The following PPFIBP2 variants were observed in gnomAD, a reference collection of about 807,000 sequenced individuals.
PPFIBP2 encodes the protein liprin-beta-2.
PPFIBP2 carries 118 observed loss-of-function variants against 118.3 expected under a neutral mutation model. The ratio of observed to expected loss-of-function variants is 1.00; its 90% confidence interval spans 0.86 to 1.16. The LOEUF (loss-of-function observed/expected upper bound fraction) is 1.16, where lower values mean the gene tolerates loss of function less well. Ranked by LOEUF, PPFIBP2 falls within the 50% of genes most tolerant of loss-of-function variation. The pLI, the probability that PPFIBP2 is intolerant of heterozygous loss-of-function variation, is 0.00. For missense variants in PPFIBP2, 1,195 were observed against 1,073.1 expected (o/e 1.11, Z -1.59); for synonymous variants, 414 against 397.4 (o/e 1.04, Z -0.50).
intron 1 of PPFIBP2, among the ~76,000 whole-genome samples, chr11:7,526,638 G>A (rs988225820): frequency 2.0e-5 from 3 of 152,252 alleles, no homozygotes; most frequent in Admixed American, 6.5e-5. Context: ...TTGGGAGGCC[G>A]AGGGTGGGCA....
chr11:7,558,996 C>A (rs542812759), intron 2 of PPFIBP2, among the ~76,000 whole-genome samples: 5 of 152,200 alleles, frequency 3.3e-5, no homozygotes, highest in Non-Finnish European at 5.9e-5. Flanking sequence ...TTTTATTACC[C>A]CAGGTCACAC....
In PPFIBP2 at chr11:7,649,542, T is replaced by G. The variant is rs763904898; in HGVS notation, c.2009T>G (p.Leu670Arg). Residue 670 changes from leucine (L) to arginine (R), a missense_variant, in exon 21 of 24, where the codon CTC becomes CGC. Leu to Arg is a moderately radical substitution (Grantham distance 102). Coordinates refer to ENST00000299492, the MANE Select transcript of PPFIBP2 (RefSeq NM_003621.5). ...MLQYLTVNDL[L>R]FLKVTSQLHH... ...ACTTTCCTCTTTCAGAACGATTTAC[T>G]CTTCTTAAAAGTCACCAGCCAACTA... The G allele has an allele frequency of 1.9e-6, 3 of 1,614,162 alleles. No homozygotes were observed. The highest frequency in any genetic ancestry group is 2.2e-5 in the East Asian group (1 of 44,880).
chr11:7,651,308 A>T (rs576796343), intron 22 of PPFIBP2: 4 of 339,342 alleles, frequency 1.2e-5, no homozygotes, highest in Non-Finnish European at 2.2e-5. Flanking sequence ...CTGCAATAGG[A>T]TCCCTATCAC....
intron 14 of PPFIBP2, among the ~76,000 whole-genome samples, chr11:7,638,514 T>A (rs1478382440): frequency 6.6e-6 from 1 of 152,228 alleles, no homozygotes; most frequent in Non-Finnish European, 1.5e-5. Flanking sequence ...AGGACATATG[T>A]TTATAAGCAA....
chr11:7,628,807 A>C (rs1267872076), intron 9 of PPFIBP2, among the ~76,000 whole-genome samples: 1 of 152,216 alleles, frequency 6.6e-6, no homozygotes, highest in Non-Finnish European at 1.5e-5. Flanking sequence ...CACCTCTATA[A>C]ATAAAGAGTG....
At chr11:7,644,044 C>T (rs1342571951) in intron 17 of PPFIBP2, among the ~76,000 whole-genome samples, 2 of 152,024 alleles carry the variant, frequency 1.3e-5, no homozygotes, top group African/African-American at 2.4e-5. Context: ...TCCAAATTTC[C>T]TTTTTATTGG....
At chr11:7,617,301 A>G (rs1848772632) in intron 6 of PPFIBP2, 1 of 985,344 alleles carries the variant, frequency 1.0e-6, no homozygotes, top group Non-Finnish European at 1.2e-6. Context: ...ACCTGTAGGA[A>G]CCACACTTAA....
At chr11:7,648,688 C>G in intron 18 of PPFIBP2, 112 bp from the exon 19 acceptor site, 1 of 1,419,514 alleles carries the variant, frequency 7.0e-7, no homozygotes, top group South Asian at 1.2e-5. Context: ...TCCCAGGGCA[C>G]GGTGTGGAGA....
chr11:7,666,554 G>A, the PPFIBP2 span: 1 of 1,610,036 alleles, frequency 6.2e-7, no homozygotes, highest in Non-Finnish European at 8.5e-7. Context: ...CCTCTGTCTA[G>A]AAAAGAAGCA....
At chr11:7,664,250 G>A in the PPFIBP2 span, among the ~76,000 whole-genome samples, 1 of 152,190 alleles carries the variant, frequency 6.6e-6, no homozygotes, top group African/African-American at 2.4e-5. Flanking sequence ...CTTGAATTTG[G>A]AAACATGAAT....
At chr11:7,665,023 G>A in the PPFIBP2 span, 34,362 of 179,054 alleles carry the variant, frequency 0.19, 3,453 homozygotes, top group Middle Eastern at 0.24. Context: ...CCATGGGCAT[G>A]CAGAAGCCAA....
chr11:7,559,817 C>T (rs1854094547), intron 2 of PPFIBP2, among the ~76,000 whole-genome samples: 3 of 152,146 alleles, frequency 2.0e-5, no homozygotes, highest in Admixed American at 2.0e-4. Flanking sequence ...GGGTATTTTG[C>T]CCCTGGGCTA....
chr11:7,573,370 A>G (rs1018972183), intron 3 of PPFIBP2, among the ~76,000 whole-genome samples: 1 of 152,266 alleles, frequency 6.6e-6, no homozygotes, highest in African/African-American at 2.4e-5. Flanking sequence ...ACATTTTTCA[A>G]GACTGAAGAA....
intron 16 of PPFIBP2, chr11:7,641,856 C>A (rs1407742852): frequency 5.5e-6 from 3 of 544,682 alleles, no homozygotes; most frequent in Non-Finnish European, 9.8e-6. Context: ...AGCACCCACC[C>A]ATTCCACACA....
chr11:7,619,231 TACA>T (rs763501995), intron 6 of PPFIBP2, among the ~76,000 whole-genome samples: 1 of 151,942 alleles, frequency 6.6e-6, no homozygotes, highest in Admixed American at 6.5e-5. Context: ...GTACACAGAG[TACA>T]ACAAGAGAAT....
intron 1 of PPFIBP2, among the ~76,000 whole-genome samples, chr11:7,522,632 G>T (rs1462693840): frequency 2.0e-5 from 3 of 152,186 alleles, no homozygotes; most frequent in African/African-American, 7.2e-5. Context: ...AATGAGACCA[G>T]GTTTGGGGTG....
chr11:7,657,056 G>C (rs1854751396), downstream of PPFIBP2: 1 of 307,518 alleles, frequency 3.3e-6, no homozygotes, highest in African/African-American at 2.2e-5. Context: ...GTGGACTGCA[G>C]ACCACTTTGT....
chr11:7,643,377 A>G (rs1852497013), intron 17 of PPFIBP2, among the ~76,000 whole-genome samples: 1 of 152,192 alleles, frequency 6.6e-6, no homozygotes, highest in East Asian at 1.9e-4. Flanking sequence ...ACCCCTCAGC[A>G]TTGTCCCTAG....
chr11:7,665,908 C>T, the PPFIBP2 span: 9 of 1,535,978 alleles, frequency 5.9e-6, no homozygotes, highest in Non-Finnish European at 7.0e-6. Flanking sequence ...CAGAATTGCT[C>T]AGTAGGGTAG....
Sources: gnomAD v4.1 joint callset for allele counts (sites outside exome capture counted in the v4.1 genomes callset) on GRCh38, gnomAD v4.1.1 for gene constraint, MANE v1.5 for transcripts, NCBI Gene and HGNC (gene_info 2026-07-23, HGNC 2026-07-21) for gene names.